Variants in ADAMTS19 observed in about 807,000 individuals in gnomAD.
ADAMTS19 encodes ADAM metallopeptidase with thrombospondin type 1 motif 19, also known as A disintegrin and metalloproteinase with thrombospondin motifs 19.
In ADAMTS19, 93 loss-of-function variants were observed where a neutral mutation model predicts 153.3. The observed-to-expected ratio is 0.61, with a 90% CI of 0.51 to 0.72. ADAMTS19 has a LOEUF of 0.72. ADAMTS19 is among the 30% of genes least tolerant of loss of function. ADAMTS19 has a pLI of 0.00. For missense variants in ADAMTS19, 1,482 were observed against 1,552.1 expected, an observed-to-expected ratio of 0.95 and a Z score of 0.76; for synonymous variants, 600 against 556.6, an observed-to-expected ratio of 1.08 and a Z score of -1.10.
At chr5:129,616,370 A>G (rs1751528160) in intron 8 of ADAMTS19, among the ~76,000 whole-genome samples, 1 of 151,976 alleles carries the variant, frequency 6.6e-6, no homozygotes, top group South Asian at 2.1e-4. Flanking sequence ...AGTGGGAAAT[A>G]TTATGTCATA....
intron 6 of ADAMTS19, among the ~76,000 whole-genome samples, chr5:129,530,628 T>A (rs181975883): frequency 6.6e-6 from 1 of 152,266 alleles, no homozygotes; most frequent in East Asian, 1.9e-4. Flanking sequence ...AAAATACTTA[T>A]TGAGTTCTTG....
Position 129,695,844 on chromosome 5 carries a change from A to T in ADAMTS19, c.2954+989A>T, listed in dbSNP as rs533946484. On this transcript the variant is annotated intron_variant, in intron 19 of 22. Coordinates refer to ENST00000274487, the MANE Select transcript of ADAMTS19 (RefSeq NM_133638.6). ...GAGTTGTAAGTTCTTAGGTAGTCAG[A>T]GCATTGATCTTCCCCTCACAAGAGC... Among the ~76,000 whole-genome samples the T allele has an allele frequency of 1.3e-4, 20 of 152,286 alleles. No homozygotes were observed. The South Asian group carries it at 3.9e-3, about 30-fold the overall frequency.
intron 7 of ADAMTS19, among the ~76,000 whole-genome samples, chr5:129,563,542 T>A (rs751040596): frequency 4.6e-5 from 7 of 152,154 alleles, no homozygotes; most frequent in Admixed American, 6.5e-5. Flanking sequence ...AGGTTGACAA[T>A]CAGATTTTTG....
At chr5:129,478,514 A>G (rs1266128469) in intron 2 of ADAMTS19, among the ~76,000 whole-genome samples, 1 of 152,150 alleles carries the variant, frequency 6.6e-6, no homozygotes, top group African/African-American at 2.4e-5. Flanking sequence ...TCATACCTAC[A>G]AGGATACGTA....
At chr5:129,622,380 A>G (rs763897677) in intron 10 of ADAMTS19, 32 bp downstream of exon 10, 1 of 1,612,966 alleles carries the variant, frequency 6.2e-7, no homozygotes, top group South Asian at 1.1e-5. Context: ...TTGTGCGTTC[A>G]TTCATTGTTT....
chr5:129,725,089 T>G (rs1475752275), intron 21 of ADAMTS19, among the ~76,000 whole-genome samples: 1 of 152,152 alleles, frequency 6.6e-6, no homozygotes, highest in Non-Finnish European at 1.5e-5. Flanking sequence ...GGGGCTGCTT[T>G]TCATTAAAAG....
At chr5:129,658,359 AAGAAAGAAAGAG>A (rs1488964322) in intron 14 of ADAMTS19, among the ~76,000 whole-genome samples, 33 of 132,522 alleles carry the variant, frequency 2.5e-4, no homozygotes, top group African/African-American at 3.8e-4. Context: ...GAAAGAAAGA[AAGAAAGAAAGAG>A]AGAGAGGAAG....
chr5:129,731,764 T>C (rs1045127450), intron 21 of ADAMTS19, among the ~76,000 whole-genome samples: 1 of 152,096 alleles, frequency 6.6e-6, no homozygotes, highest in African/African-American at 2.4e-5. Context: ...GTATTACAAA[T>C]GATATGTCTG....
intron 18 of ADAMTS19, among the ~76,000 whole-genome samples, chr5:129,690,942 A>G (rs1755305760): frequency 6.6e-6 from 1 of 152,160 alleles, no homozygotes; most frequent in East Asian, 1.9e-4. Flanking sequence ...ATGTATAGAA[A>G]ATTTCAGTTA....
chr5:129,566,987 G>A (rs1397924341), intron 7 of ADAMTS19, among the ~76,000 whole-genome samples: 2 of 151,726 alleles, frequency 1.3e-5, no homozygotes, highest in African/African-American at 2.4e-5. Context: ...AATGAGAACT[G>A]CATGGAAGTG....
chr5:129,612,738 A>G (rs1220907364), intron 8 of ADAMTS19, among the ~76,000 whole-genome samples: 1 of 152,112 alleles, frequency 6.6e-6, no homozygotes, highest in Non-Finnish European at 1.5e-5. Context: ...AAAGACACAG[A>G]CTGGCAAATT....
At chr5:129,535,299 T>A (rs1473470171) in intron 6 of ADAMTS19, among the ~76,000 whole-genome samples, 1 of 152,044 alleles carries the variant, frequency 6.6e-6, no homozygotes, top group African/African-American at 2.4e-5. Context: ...ATGAGTGAAC[T>A]CCCATTCACA....
At chr5:129,535,544 A>G (rs1752386456) in intron 6 of ADAMTS19, among the ~76,000 whole-genome samples, 1 of 152,226 alleles carries the variant, frequency 6.6e-6, no homozygotes, top group African/African-American at 2.4e-5. Context: ...CTTTCTTCAC[A>G]GAATTGGAAA....
intron 19 of ADAMTS19, among the ~76,000 whole-genome samples, chr5:129,697,047 A>G (rs1581236482): frequency 6.6e-6 from 1 of 152,184 alleles, no homozygotes; most frequent in Non-Finnish European, 1.5e-5. Flanking sequence ...TTGCAGGGCC[A>G]TTTCAAAGTA....
intron 14 of ADAMTS19, among the ~76,000 whole-genome samples, chr5:129,655,852 A>G (rs25808): frequency 0.41 from 62,907 of 152,118 alleles, 14,394 homozygotes; most frequent in African/African-American, 0.62. Context: ...CATTGGCATA[A>G]GAAGCAGTCT....
chr5:129,662,090 C>T (rs1581199952), intron 15 of ADAMTS19, among the ~76,000 whole-genome samples: 1 of 152,058 alleles, frequency 6.6e-6, no homozygotes, highest in South Asian at 2.1e-4. Flanking sequence ...ACCTTGGAGA[C>T]TATAATTATG....
At chr5:129,579,657 T>C (rs1478394471) in intron 7 of ADAMTS19, among the ~76,000 whole-genome samples, 3 of 151,658 alleles carry the variant, frequency 2.0e-5, no homozygotes, top group Non-Finnish European at 3.0e-5. Context: ...TTCTGCATTC[T>C]AGCCAGTTTT....
rs10040321 is a variant in ADAMTS19 at position 129,481,152 on chromosome 5, C to A, written c.747+19395C>A. ...AAACAAAAGAGGTTTAATTGACTCA[C>A]GGTTCAGCATGGCTGGGGAGGCCTC... is the stretch of plus-strand genomic sequence containing the variant. On this transcript the variant is annotated intron_variant, in intron 2 of 22. Transcript: ENST00000274487. Among the ~76,000 whole-genome samples the A allele has an allele frequency of 7.9e-5, 12 of 152,140 alleles. 1 individual carries two copies. The highest frequency in any genetic ancestry group is 1.7e-4 in the African/African-American group (7 of 41,492).
At chr5:129,516,123 C>A (rs1237354015) in intron 3 of ADAMTS19, among the ~76,000 whole-genome samples, 1 of 151,844 alleles carries the variant, frequency 6.6e-6, no homozygotes, top group African/African-American at 2.4e-5. Context: ...CCTTGCCTCC[C>A]AGGGATATTT....
Sources: gnomAD v4.1 joint callset for allele counts (sites outside exome capture counted in the v4.1 genomes callset) on GRCh38, gnomAD v4.1.1 for gene constraint, MANE v1.5 for transcripts, NCBI Gene and HGNC (gene_info 2026-07-23, HGNC 2026-07-21) for gene names.